Variants in ASTN2 observed in about 807,000 individuals in gnomAD.
The protein encoded by ASTN2 is astrotactin 2.
In ASTN2, 54 loss-of-function variants were observed where a neutral mutation model predicts 139.8. The observed-to-expected ratio is 0.39, with a 90% CI of 0.31 to 0.48. ASTN2 has a LOEUF of 0.48. ASTN2 is among the 20% of genes least tolerant of loss of function. The pLI, the probability that ASTN2 is intolerant of heterozygous loss-of-function variation, is 0.95. For missense variants in ASTN2, 1,565 were observed against 1,725.1 expected, an observed-to-expected ratio of 0.91 and a Z score of 1.64; for synonymous variants, 756 against 719.5, an observed-to-expected ratio of 1.05 and a Z score of -0.81.
chr9:117,189,948 C>T (rs1187863578), intron 3 of ASTN2, among the ~76,000 whole-genome samples: 1 of 152,232 alleles, frequency 6.6e-6, no homozygotes, highest in Admixed American at 6.5e-5. Flanking sequence ...GCTCTTGCTA[C>T]ACAAAATAGG....
At chr9:116,993,853 G>GATATAT (rs61556942) in intron 7 of ASTN2, among the ~76,000 whole-genome samples, 45,051 of 131,574 alleles carry the variant, frequency 0.34, 8,795 homozygotes, top group South Asian at 0.48. Context: ...GTATGTACAT[G>GATATAT]ATATATATAT....
rs539822346 is a variant in ASTN2 at position 116,676,260 on chromosome 9, G to C, written c.2807-24467C>G. ...CTCTCTTTCTCTGTCTGGGTAAACA[G>C]TAAACTATTTGTCTCCCCTGCAAGG... On this transcript the variant is annotated intron_variant, in intron 16 of 22. Coordinates refer to ENST00000313400, the MANE Select transcript of ASTN2 (RefSeq NM_001365068.1). 2.5e-3 allele frequency among the ~76,000 whole-genome samples: 387 copies of C among 152,282 alleles called. 2 individuals carry two copies. Among genetic ancestry groups the C allele is most frequent in the African/African-American group, 8.9e-3 (368 of 41,566 alleles).
At chr9:116,675,537 CAGGAGGATTTCG>C (rs1183197065) in intron 16 of ASTN2, among the ~76,000 whole-genome samples, 1 of 152,124 alleles carries the variant, frequency 6.6e-6, no homozygotes. Context: ...ACTTCTCATT[CAGGAGGATTTCG>C]AGGAGGATTC....
At chr9:117,068,487 T>C (rs1437122514) in intron 5 of ASTN2, among the ~76,000 whole-genome samples, 2 of 116,634 alleles carry the variant, frequency 1.7e-5, no homozygotes, top group South Asian at 6.6e-4. Context: ...GTTGTGCCTC[T>C]GCCTGGCTTT....
intron 1 of ASTN2, among the ~76,000 whole-genome samples, chr9:117,378,084 G>A (rs912423060): frequency 6.6e-6 from 1 of 152,202 alleles, no homozygotes; most frequent in Non-Finnish European, 1.5e-5. Flanking sequence ...GGCTTTATAT[G>A]TTAATTCTGT....
intron 10 of ASTN2, among the ~76,000 whole-genome samples, chr9:116,957,599 A>T (rs531792323): frequency 6.6e-6 from 1 of 152,342 alleles, no homozygotes; most frequent in South Asian, 2.1e-4. Flanking sequence ...TCCCAAGGAT[A>T]TAGGTCAGTT....
chr9:117,405,109 C>T (rs900340116), intron 1 of ASTN2, among the ~76,000 whole-genome samples: 2 of 152,140 alleles, frequency 1.3e-5, no homozygotes, highest in Admixed American at 1.3e-4. Flanking sequence ...GTGCTCAGTC[C>T]CTTGGGCCTG....
At chr9:116,602,603 T>A (rs1854963903) in intron 19 of ASTN2, among the ~76,000 whole-genome samples, 1 of 152,120 alleles carries the variant, frequency 6.6e-6, no homozygotes, top group Non-Finnish European at 1.5e-5. Context: ...TTGTTCTTAA[T>A]GAATAAAGGG....
intron 10 of ASTN2, among the ~76,000 whole-genome samples, chr9:116,921,011 G>A (rs762430551): frequency 8.5e-5 from 13 of 152,166 alleles, no homozygotes; most frequent in African/African-American, 1.2e-4. Flanking sequence ...CTAGCTCACC[G>A]TTCTACAGGC....
chr9:116,976,846 TG>T (rs1181893584), intron 7 of ASTN2, 61 bp from the exon 8 acceptor site: 1 of 1,496,328 alleles, frequency 6.7e-7, no homozygotes, highest in African/African-American at 1.4e-5. Context: ...GGCTTTTCTC[TG>T]GTTTGCTTGT....
At chr9:116,733,546 T>C (rs1333907534) in intron 13 of ASTN2, 23 bp from the exon 14 acceptor site, 1 of 1,613,840 alleles carries the variant, frequency 6.2e-7, no homozygotes, top group East Asian at 2.2e-5. Flanking sequence ...GCAGAGAGAC[T>C]GCCAAATCGA....
At chr9:117,020,863 T>C (rs1837859506) in intron 6 of ASTN2, among the ~76,000 whole-genome samples, 1 of 152,168 alleles carries the variant, frequency 6.6e-6, no homozygotes, top group African/African-American at 2.4e-5. Context: ...AAGGCAACTA[T>C]TTGCAGAATA....
At chr9:117,221,700 G>A (rs990574920) in intron 2 of ASTN2, among the ~76,000 whole-genome samples, 6 of 152,154 alleles carry the variant, frequency 3.9e-5, no homozygotes, top group Admixed American at 2.6e-4. Context: ...GATCCACTGG[G>A]CCTTCTCTTG....
At chr9:117,277,677 T>G (rs1394879120) in intron 2 of ASTN2, among the ~76,000 whole-genome samples, 1 of 152,144 alleles carries the variant, frequency 6.6e-6, no homozygotes, top group Non-Finnish European at 1.5e-5. Flanking sequence ...CTAGTAATAG[T>G]GGTAGTGCAA....
intron 4 of ASTN2, among the ~76,000 whole-genome samples, chr9:117,123,259 C>G (rs978809021): frequency 6.6e-6 from 1 of 151,898 alleles, no homozygotes; most frequent in Non-Finnish European, 1.5e-5. Context: ...GATGCAAAAA[C>G]AGACCTGTGG....
At chr9:116,481,857 C>G (rs987888772) in intron 20 of ASTN2, among the ~76,000 whole-genome samples, 1 of 152,160 alleles carries the variant, frequency 6.6e-6, no homozygotes, top group Non-Finnish European at 1.5e-5. Context: ...TCCACTCATA[C>G]CTCACCAGGT....
At chr9:116,773,133 C>T (rs868108831) in intron 13 of ASTN2, among the ~76,000 whole-genome samples, 1 of 150,622 alleles carries the variant, frequency 6.6e-6, no homozygotes, top group Non-Finnish European at 1.5e-5. Flanking sequence ...CCCAGTGAGC[C>T]ATGTTCTTTT....
intron 19 of ASTN2, among the ~76,000 whole-genome samples, chr9:116,606,849 G>C (rs1019827996): frequency 6.6e-6 from 1 of 152,066 alleles, no homozygotes; most frequent in African/African-American, 2.4e-5. Flanking sequence ...AAAAGATGTT[G>C]ACTACCCCTA....
At chr9:117,090,823 A>G (rs1229635580) in intron 5 of ASTN2, among the ~76,000 whole-genome samples, 1 of 152,218 alleles carries the variant, frequency 6.6e-6, no homozygotes, top group Non-Finnish European at 1.5e-5. Flanking sequence ...TATTTCTCTC[A>G]TGGGATATGC....
Sources: gnomAD v4.1 joint callset for allele counts (sites outside exome capture counted in the v4.1 genomes callset) on GRCh38, gnomAD v4.1.1 for gene constraint, MANE v1.5 for transcripts, NCBI Gene and HGNC (gene_info 2026-07-23, HGNC 2026-07-21) for gene names.